The following USP34 variants were observed in gnomAD, a reference collection of about 807,000 sequenced individuals.
The protein encoded by USP34 is ubiquitin carboxyl-terminal hydrolase 34.
Under a neutral mutation model 460.3 loss-of-function variants are expected in USP34, and 70 were observed. The ratio of observed to expected loss-of-function variants is 0.15; its 90% CI spans 0.13 to 0.19. The LOEUF (loss-of-function observed/expected upper bound fraction) is 0.19, where lower values mean the gene tolerates loss of function less well. Among genes scored for constraint, USP34 ranks in the 10% least tolerant of loss-of-function variants. The pLI is 1.00. For synonymous variants in USP34, 1,647 were observed against 1,405.3 expected (o/e 1.17, Z -3.85); for missense variants, 3,985 against 4,236.2 (o/e 0.94, Z 1.65).
chr2:61,289,994 G>A (rs1423853142), intron 33 of USP34, among the ~76,000 whole-genome samples: 1 of 152,072 alleles, frequency 6.6e-6, no homozygotes, highest in African/African-American at 2.4e-5. Flanking sequence ...ACACACATCA[G>A]AGAAAGACTT....
chr2:61,470,071 G>A (rs954456228), intron 1 of USP34, among the ~76,000 whole-genome samples: 1 of 152,158 alleles, frequency 6.6e-6, no homozygotes, highest in Admixed American at 6.5e-5. Context: ...TTAAAAATAG[G>A]TATGAAGGTT....
At position 61,470,852 on chromosome 2, in the gene USP34, A is replaced by T; in HGVS notation, c.-160T>A. ...GCGGGGACGGGGCGGGGAGCAAGAGAATGGGGGAGGGGGCCGGCGGTCCCC... is the reference window on the plus strand; with the variant it reads ...GCGGGGACGGGGCGGGGAGCAAGAGTATGGGGGAGGGGGCCGGCGGTCCCC... On this transcript the variant is annotated 5_prime_UTR_variant, in exon 1 of 80. Coordinates refer to ENST00000398571, the MANE Select transcript of USP34 (RefSeq NM_014709.4). 1 of 273,674 alleles carries T rather than the reference A, an allele frequency of 3.7e-6. No individual in the cohort carries two copies. Among genetic ancestry groups the T allele is most frequent in the Non-Finnish European group, 7.1e-6 (1 of 140,868 alleles). 17.0% of individuals were successfully genotyped at this position (273,674 alleles called of 1,614,324 possible).
intron 36 of USP34, 25 bp downstream of exon 36, chr2:61,283,384 A>T (rs746383269): frequency 6.3e-7 from 1 of 1,592,084 alleles, no homozygotes; most frequent in Non-Finnish European, 8.5e-7. Context: ...TTATTTATTA[A>T]AAGTTAACTT....
intron 1 of USP34, among the ~76,000 whole-genome samples, chr2:61,437,425 G>C (rs953278233): frequency 7.2e-5 from 11 of 152,218 alleles, no homozygotes; most frequent in Non-Finnish European, 1.3e-4. Context: ...TAAAAACCTA[G>C]AGGAAATGAA....
intron 38 of USP34, 97 bp downstream of exon 38, chr2:61,280,993 T>A: frequency 7.6e-7 from 1 of 1,319,754 alleles, no homozygotes; most frequent in Non-Finnish European, 1.0e-6. Flanking sequence ...CATACAGTAG[T>A]CAAATGATCA....
chr2:61,258,263 G>C (rs1259575493), intron 44 of USP34, among the ~76,000 whole-genome samples: 1 of 152,152 alleles, frequency 6.6e-6, no homozygotes, highest in Non-Finnish European at 1.5e-5. Flanking sequence ...TGTCGAGGTT[G>C]CCATGAGACG....
chr2:61,471,005 G>A lies in USP34; in HGVS notation c.-313C>T, dbSNP rs1481047955. On this transcript the variant is annotated 5_prime_UTR_variant, in exon 1 of 80. Coordinates refer to ENST00000398571, the MANE Select transcript of USP34 (RefSeq NM_014709.4). ...GAGGGGGGGAGGGGGCGGGTGGGGA[G>A]AGAAGCAGCAGAGTCACTTCACCGA... 1.3e-5 allele frequency among the ~76,000 whole-genome samples: 2 copies of A among 149,972 alleles called. No homozygotes were observed. The highest frequency in any genetic ancestry group is 4.9e-5 in the African/African-American group (2 of 41,064).
rs778110173 is a variant in USP34 at position 61,206,808 on chromosome 2, T to C, written c.8998A>G (p.Ile3000Val). 14 of 1,613,646 alleles carry C rather than the reference T, an allele frequency of 8.7e-6. No homozygotes were observed. The highest frequency in any genetic ancestry group is 2.2e-5 in the East Asian group (1 of 44,874). The change falls in exon 71 of 80, where the codon ATA becomes GTA. Residue 3000 changes from isoleucine (I) to valine (V), a missense_variant. This residue lies in a region of USP34 where 275 missense variants were observed against 292.7 expected (regional missense o/e 0.94). Coordinates refer to ENST00000398571, the MANE Select transcript of USP34 (RefSeq NM_014709.4). ...VTGDLVELLS[I>V]FLSVLKSTRP... is the part of the protein sequence containing the mutation. ...GTAGACTTCAAAACCGAAAGAAATATTGACAGAAGTTCTACTAAATCTCCA... is the reference window on the plus strand; with the variant it reads ...GTAGACTTCAAAACCGAAAGAAATACTGACAGAAGTTCTACTAAATCTCCA...
chr2:61,385,530 G>A (rs570544119), intron 5 of USP34, among the ~76,000 whole-genome samples: 1 of 151,868 alleles, frequency 6.6e-6, no homozygotes, highest in African/African-American at 2.4e-5. Flanking sequence ...AACTTAGCCG[G>A]ACGTGGTGGC....
At chr2:61,420,094 T>C (rs540061680) in intron 2 of USP34, among the ~76,000 whole-genome samples, 117 of 152,208 alleles carry the variant, frequency 7.7e-4, no homozygotes, top group Non-Finnish European at 6.2e-4. Flanking sequence ...TCACTGCATT[T>C]AACATGTTCA....
Position 61,188,232 on chromosome 2 carries a change from C to A in USP34, c.10511G>T (p.Cys3504Phe). The A allele has an allele frequency of 6.2e-7, 1 of 1,614,146 alleles. No individual in the cohort carries two copies. Among genetic ancestry groups the A allele is most frequent in the Non-Finnish European group, 8.5e-7 (1 of 1,180,040 alleles). The part of the protein sequence containing the change: ...QDPEVALSLS[C>F]GHSRGLFSHM... ...ACTAAAGAGTCCTCTGGAATGGCCA[C>A]AACTGAGAGATAAAGCAACCTCAGG... Residue 3504 changes from cysteine (C) to phenylalanine (F), a missense_variant, in exon 80 of 80, where the codon TGT (cysteine) becomes TTT (phenylalanine). Physicochemically the swap from Cys to Phe is radical, Grantham distance 205. This residue lies in a region of USP34 where 506 missense variants were observed against 439.0 expected (regional missense o/e 1.15). Coordinates refer to ENST00000398571, the MANE Select transcript of USP34 (RefSeq NM_014709.4).
chr2:61,451,220 C>CAAAAAAAAAA (rs70963432), intron 1 of USP34, among the ~76,000 whole-genome samples: 740 of 50,554 alleles, frequency 0.015, 16 homozygotes, highest in Non-Finnish European at 0.018. Flanking sequence ...GGCTTCATCT[C>CAAAAAAAAAA]AAAAAAAAAA....
intron 2 of USP34, chr2:61,417,332 C>G (rs886221659): frequency 2.3e-5 from 15 of 657,566 alleles, no homozygotes; most frequent in Non-Finnish European, 3.9e-5. Context: ...CCATTGCACA[C>G]TGGACCCCCA....
intron 48 of USP34, among the ~76,000 whole-genome samples, chr2:61,252,005 A>C (rs1688597843): frequency 6.6e-6 from 1 of 151,618 alleles, no homozygotes. Context: ...AACTTTTTCC[A>C]TTCTGAAAAG....
rs552889974 is a variant in USP34, at chr2:61,437,760, G to A, written c.44-16927C>T. Among the ~76,000 whole-genome samples the A allele has an allele frequency of 2.6e-3, 268 of 101,508 alleles. 1 individual carries two copies. Among genetic ancestry groups the A allele is most frequent in the African/African-American group, 9.1e-3 (236 of 25,930 alleles). 66.6% of individuals were successfully genotyped at this position (101,508 alleles called of 152,430 possible). A position where few individuals can be genotyped will look rare whatever the true frequency, so the allele number is the denominator to read the frequency against. On this transcript the variant is annotated intron_variant, in intron 1 of 79. Coordinates refer to ENST00000398571, the MANE Select transcript of USP34 (RefSeq NM_014709.4). ...TGCACTCCAGCCTGGGCAACAGAGC[G>A]AGACTCCGTCTCAAAAATAAATAAA... is the stretch of plus-strand genomic sequence containing the variant.
intron 67 of USP34, among the ~76,000 whole-genome samples, chr2:61,218,934 C>T (rs1468368748): frequency 2.0e-5 from 3 of 152,214 alleles, no homozygotes; most frequent in Non-Finnish European, 4.4e-5. Context: ...TGTAAAGTTA[C>T]TTCCTCCACA....
chr2:61,279,119 A>C (rs1461849646), intron 39 of USP34, among the ~76,000 whole-genome samples: 1 of 151,892 alleles, frequency 6.6e-6, no homozygotes, highest in Non-Finnish European at 1.5e-5. Flanking sequence ...TTAAAGTACA[A>C]TGTTTATTTG....
chr2:61,232,321 A>T, intron 58 of USP34, 131 bp downstream of exon 58: 1 of 744,836 alleles, frequency 1.3e-6, no homozygotes, highest in Non-Finnish European at 2.2e-6. Flanking sequence ...AATGACTTTT[A>T]TGATAGGAGG....
intron 64 of USP34, 182 bp from the exon 65 acceptor site, chr2:61,222,845 G>A (rs1687624399): frequency 2.5e-5 from 17 of 682,402 alleles, no homozygotes; most frequent in Non-Finnish European, 1.2e-5. Context: ...ACAGGCATGT[G>A]CCACTACACC....
Sources: allele counts gnomAD v4.1 joint callset (sites outside exome capture counted in the v4.1 genomes callset), GRCh38; gene constraint gnomAD v4.1.1; regional missense constraint gnomAD v4.1.1; transcripts MANE v1.5; gene names NCBI Gene and HGNC (gene_info 2026-07-23, HGNC 2026-07-21).